Variants in EEIG2 observed in about 807,000 individuals in gnomAD.
EEIG2 encodes EEIG family member 2, also known as family with sequence similarity 102 member B.
chr1:108,602,352 C>T, the EEIG2 span, among the ~76,000 whole-genome samples: 1 of 152,126 alleles, frequency 6.6e-6, no homozygotes. Flanking sequence ...GGCCATGCTC[C>T]CTCTGGAAGT....
chr1:108,621,465 T>G, the EEIG2 span, among the ~76,000 whole-genome samples: 1 of 152,196 alleles, frequency 6.6e-6, no homozygotes, highest in Non-Finnish European at 1.5e-5. Context: ...TGGCTGATAT[T>G]ATCAAGGGTT....
chr1:108,624,599 C>T, the EEIG2 span: 2 of 1,561,756 alleles, frequency 1.3e-6, no homozygotes, highest in African/African-American at 1.4e-5. Context: ...CTATTGTAAA[C>T]TTTGAGGCTC....
chr1:108,603,198 G>A, the EEIG2 span, among the ~76,000 whole-genome samples: 1 of 152,294 alleles, frequency 6.6e-6, no homozygotes, highest in East Asian at 1.9e-4. Context: ...CTGACATTTG[G>A]CATTGCTTTT....
the EEIG2 span, chr1:108,636,745 C>T: frequency 1.3e-5 from 2 of 151,868 alleles, no homozygotes; most frequent in Non-Finnish European, 2.9e-5. Context: ...TTGACCTGAA[C>T]ATTTTAGCCT....
the EEIG2 span, among the ~76,000 whole-genome samples, chr1:108,598,338 A>G: frequency 9.6e-5 from 10 of 104,378 alleles, no homozygotes; most frequent in African/African-American, 5.7e-4. Context: ...TGTATCCAAA[A>G]AAAAAAAAAA....
At chr1:108,599,853 G>C in the EEIG2 span, among the ~76,000 whole-genome samples, 3 of 152,182 alleles carry the variant, frequency 2.0e-5, no homozygotes, top group African/African-American at 4.8e-5. Flanking sequence ...TTAGCCTGGC[G>C]TGGTGGCAGG....
At chr1:108,636,628 A>G in the EEIG2 span, 1 of 152,248 alleles carries the variant, frequency 6.6e-6, no homozygotes, top group Non-Finnish European at 1.5e-5. Flanking sequence ...GGAAGTTTTT[A>G]AAAAATGATA....
the EEIG2 span, among the ~76,000 whole-genome samples, chr1:108,602,821 C>T: frequency 6.6e-6 from 1 of 151,962 alleles, no homozygotes; most frequent in South Asian, 2.1e-4. Context: ...CTGCAGTGAG[C>T]CATGATCATG....
the EEIG2 span, among the ~76,000 whole-genome samples, chr1:108,584,391 C>G: frequency 6.6e-6 from 1 of 152,180 alleles, no homozygotes; most frequent in Non-Finnish European, 1.5e-5. Context: ...CAGACTTTTC[C>G]TAATCAAATG....
At chr1:108,626,577 T>C in the EEIG2 span, 1 of 152,262 alleles carries the variant, frequency 6.6e-6, no homozygotes, top group Non-Finnish European at 1.5e-5. Flanking sequence ...TGGATTATTA[T>C]GAAAACCTAC....
At chr1:108,560,393 G>T in the EEIG2 span, 1 of 1,535,470 alleles carries the variant, frequency 6.5e-7, no homozygotes, top group Non-Finnish European at 8.8e-7. Context: ...GCGGCGCCCG[G>T]CCGTGCGCCC....
the EEIG2 span, chr1:108,628,547 G>A: frequency 6.2e-7 from 1 of 1,613,398 alleles, no homozygotes; most frequent in Non-Finnish European, 8.5e-7. Flanking sequence ...TCTTGATACA[G>A]CTGATAAAGA....
chr1:108,630,778 T>C, the EEIG2 span, among the ~76,000 whole-genome samples: 2 of 152,194 alleles, frequency 1.3e-5, no homozygotes, highest in African/African-American at 4.8e-5. Flanking sequence ...TGTGCACCCC[T>C]AATTCCATTC....
the EEIG2 span, chr1:108,626,818 C>T: frequency 6.6e-6 from 1 of 152,228 alleles, no homozygotes; most frequent in Non-Finnish European, 1.5e-5. Flanking sequence ...ACAAAGAAGG[C>T]ATGCTCTTCC....
At chr1:108,592,140 CA>C in the EEIG2 span, among the ~76,000 whole-genome samples, 1 of 152,272 alleles carries the variant, frequency 6.6e-6, no homozygotes, top group East Asian at 1.9e-4. Flanking sequence ...AGGCTGTTGC[CA>C]TGCTTCAGGG....
At chr1:108,622,568 A>G in the EEIG2 span, among the ~76,000 whole-genome samples, 1 of 152,234 alleles carries the variant, frequency 6.6e-6, no homozygotes, top group Admixed American at 6.5e-5. Flanking sequence ...TTGCAATGAC[A>G]TTTACAGAGA....
chr1:108,598,950 G>T, the EEIG2 span, among the ~76,000 whole-genome samples: 13 of 152,052 alleles, frequency 8.5e-5, no homozygotes, highest in African/African-American at 2.7e-4. Context: ...AGTATCACTT[G>T]AGCCCAGGAG....
chr1:108,603,633 A>G, the EEIG2 span, among the ~76,000 whole-genome samples: 1 of 152,218 alleles, frequency 6.6e-6, no homozygotes, highest in Non-Finnish European at 1.5e-5. Flanking sequence ...ACATGACTAC[A>G]TGACCAAAAA....
At chr1:108,610,584 T>C in the EEIG2 span, among the ~76,000 whole-genome samples, 1 of 152,152 alleles carries the variant, frequency 6.6e-6, no homozygotes, top group Non-Finnish European at 1.5e-5. Flanking sequence ...TGGATATGGC[T>C]TTGTCCTGGA....
Sources: allele counts gnomAD v4.1 joint callset (sites outside exome capture counted in the v4.1 genomes callset), GRCh38; gene constraint gnomAD v4.1.1; transcripts MANE v1.5; gene names NCBI Gene and HGNC (gene_info 2026-07-23, HGNC 2026-07-21).